The following SH2D3C variants were observed in gnomAD, a reference collection of about 807,000 sequenced individuals.
SH2D3C encodes SH2 domain containing 3C.
A neutral mutation model predicts 75.2 loss-of-function variants in SH2D3C; 25 were observed. The observed-to-expected ratio is 0.33, with a 90% CI of 0.24 to 0.46. The LOEUF is 0.46. Among genes scored for constraint, SH2D3C ranks in the 20% least tolerant of loss-of-function variants. The pLI is 1.00. For synonymous variants in SH2D3C, 450 were observed against 473.7 expected (o/e 0.95, Z 0.65); for missense variants, 933 against 1,165.3 (o/e 0.80, Z 2.90).
At chr9:127,765,094 C>T (rs1193120258) in intron 2 of SH2D3C, among the ~76,000 whole-genome samples, 3 of 152,120 alleles carry the variant, frequency 2.0e-5, no homozygotes, top group Admixed American at 6.5e-5. Context: ...ACCATAGCCT[C>T]GACCTCCTGG....
In SH2D3C at chr9:127,741,945, G is replaced by C; in HGVS notation, c.1931C>G (p.Ser644Cys). The change falls in exon 9 of 12, where the codon TCC (serine) becomes TGC (cysteine). Residue 644 changes from serine to cysteine, a missense_variant. Coordinates refer to ENST00000314830, the MANE Select transcript of SH2D3C (RefSeq NM_170600.3). ...CAGGATGTCCACGGCCAGCATGATG[G>C]ACATGGTGTGGAACCTGTCAGAGCG... is the stretch of plus-strand genomic sequence containing the variant. ...LDLLERFHTMSIMLAVDILGC... is the reference protein window; with the variant it reads ...LDLLERFHTMCIMLAVDILGC... The C allele has an allele frequency of 1.2e-5, 19 of 1,612,344 alleles. No individual in the cohort carries two copies. Among genetic ancestry groups the C allele is most frequent in the Non-Finnish European group, 1.6e-5 (19 of 1,179,790 alleles).
At chr9:127,764,565 G>T (rs897571191) in intron 2 of SH2D3C, among the ~76,000 whole-genome samples, 1 of 152,036 alleles carries the variant, frequency 6.6e-6, no homozygotes, top group African/African-American at 2.4e-5. Context: ...CTGACCCCAT[G>T]GCCCACCACA....
rs1015714141 is a variant in SH2D3C at position 127,751,626 on chromosome 9, A to G, written c.556-326T>C. Among the ~76,000 whole-genome samples, 7 of 152,258 alleles carry G rather than the reference A, an allele frequency of 4.6e-5. No individual in the cohort carries two copies. Among genetic ancestry groups the G allele is most frequent in the African/African-American group, 1.7e-4 (7 of 41,474 alleles). Reference sequence around the variant, plus strand: ...AGCCTCTGAGTAGAGTGCGGTCAGCACCACAGCGCTGGACAGCGGCAAAGA... The same window carrying G: ...AGCCTCTGAGTAGAGTGCGGTCAGCGCCACAGCGCTGGACAGCGGCAAAGA... On this transcript the variant is annotated intron_variant, in intron 3 of 11. Coordinates refer to ENST00000314830, the MANE Select transcript of SH2D3C (RefSeq NM_170600.3). This position sits in a 1 kb window ranked among gnomAD's most constrained non-coding sequence, Gnocchi z 4.1.
rs188648241 is a variant in SH2D3C at position 127,774,551 on chromosome 9, C to T, written c.38-84G>A. 14 of 765,696 alleles carry T rather than the reference C, an allele frequency of 1.8e-5. No individual in the cohort carries two copies. Among genetic ancestry groups the T allele is most frequent in the African/African-American group, 1.0e-4 (6 of 58,546 alleles). The allele number at this position is 765,696 out of a possible 1,614,324, so 47.4% of individuals were successfully genotyped here. ...AATGAACAATTCCTGCAGTTTCACT[C>T]GGTGAGGGGCTGAAGAGGGCTGGCG... On this transcript the variant is annotated intron_variant, in intron 1 of 11. Coordinates refer to ENST00000314830, the MANE Select transcript of SH2D3C (RefSeq NM_170600.3). The surrounding 1 kb of genome is among the most constrained non-coding windows in gnomAD (Gnocchi z 4.3).
chr9:127,752,025 G>A (rs2131762633), intron 3 of SH2D3C, among the ~76,000 whole-genome samples: 1 of 152,130 alleles, frequency 6.6e-6, no homozygotes, highest in East Asian at 1.9e-4. Context: ...ACCCAGATGG[G>A]GAGACCATGG....
chr9:127,769,502 C>CAA (rs60066412), intron 2 of SH2D3C, among the ~76,000 whole-genome samples: 4,186 of 151,356 alleles, frequency 0.028, 174 homozygotes, highest in African/African-American at 0.09. Flanking sequence ...CACACACACA[C>CAA]AAAATTAGCC....
intron 2 of SH2D3C, among the ~76,000 whole-genome samples, chr9:127,771,705 C>A (rs1845742966): frequency 6.6e-6 from 1 of 152,080 alleles, no homozygotes; most frequent in Non-Finnish European, 1.5e-5. Context: ...CAGTCTCATA[C>A]CTTGGGGTGT....
intron 3 of SH2D3C, among the ~76,000 whole-genome samples, chr9:127,758,211 T>C (rs1165129516): frequency 6.6e-6 from 1 of 152,012 alleles, no homozygotes; most frequent in Non-Finnish European, 1.5e-5. Flanking sequence ...TGGCCTTAAA[T>C]GACCCTCCTA....
intron 2 of SH2D3C, chr9:127,762,198 G>T: frequency 8.4e-7 from 1 of 1,191,388 alleles, no homozygotes; most frequent in Non-Finnish European, 1.1e-6. Context: ...GCCGGTGCTA[G>T]AGGGCTACAG....
At chr9:127,763,682 T>C (rs571115935) in intron 2 of SH2D3C, among the ~76,000 whole-genome samples, 113 of 152,274 alleles carry the variant, frequency 7.4e-4, no homozygotes, top group African/African-American at 2.7e-3. Context: ...AGTCAAATAT[T>C]GGACCTCCTC....
At chr9:127,773,937 AG>A in intron 2 of SH2D3C, 52 bp downstream of exon 2, 1 of 1,084,710 alleles carries the variant, frequency 9.2e-7, no homozygotes. Flanking sequence ...AAAAAGAAAA[AG>A]AAAAAAACAG....
Position 127,772,131 on chromosome 9 carries a change from G to A in SH2D3C, c.515+1859C>T, listed in dbSNP as rs540891870. ...AGGCAATTACAGCTCAGAGACAGAG[G>A]CTGTGCTTGGTGTCTCAGGAAAAAG... is the stretch of plus-strand genomic sequence containing the variant. On this transcript the variant is annotated intron_variant, in intron 2 of 11. Transcript: ENST00000314830. Among the ~76,000 whole-genome samples, 8 of 152,122 alleles carry A rather than the reference G, an allele frequency of 5.3e-5. No homozygotes were observed. The South Asian group carries it at 1.7e-3, about 32-fold the overall frequency.
chr9:127,750,669 TC>T (rs1845176006), intron 4 of SH2D3C, among the ~76,000 whole-genome samples: 1 of 152,178 alleles, frequency 6.6e-6, no homozygotes, highest in South Asian at 2.1e-4. Context: ...TTAGCACAGG[TC>T]CTGGCAGAGT....
rs146235803 is a variant in SH2D3C at position 127,751,633 on chromosome 9, C to T, written c.556-333G>A. Among the ~76,000 whole-genome samples, 3,621 of 152,330 alleles carry T rather than the reference C, an allele frequency of 0.024. 65 individuals are homozygous for T. Among genetic ancestry groups the T allele is most frequent in the Non-Finnish European group, 0.035 (2,387 of 68,036 alleles). ...GAGTAGAGTGCGGTCAGCACCACAG[C>T]GCTGGACAGCGGCAAAGAGCCGGGT... On this transcript the variant is annotated intron_variant, in intron 3 of 11. Transcript: ENST00000314830. The surrounding 1 kb of genome is among the most constrained non-coding windows in gnomAD (Gnocchi z 4.1).
At position 127,744,827 on chromosome 9, in the gene SH2D3C, T is replaced by A. The variant is rs1338124046; in HGVS notation, c.1537A>T (p.Thr513Ser). The part of the protein sequence containing the change: ...RGSREWAATE[T>S]SSQQARSYGE... ...TAGCTCCTGGCCTGCTGGCTGGAGGTCTCAGTCGCTGCCCACTCTCGGCTG... is the reference window on the plus strand; with the variant it reads ...TAGCTCCTGGCCTGCTGGCTGGAGGACTCAGTCGCTGCCCACTCTCGGCTG... The change falls in exon 7 of 12, where the codon ACC becomes TCC. Residue 513 changes from threonine (T) to serine (S), a missense_variant. Physicochemically the swap from Thr to Ser is moderately conservative, Grantham distance 58. Transcript: ENST00000314830. 2.5e-5 allele frequency: 40 copies of A among 1,613,858 alleles called. No homozygotes were observed. Among genetic ancestry groups the A allele is most frequent in the Non-Finnish European group, 3.2e-5 (38 of 1,180,004 alleles).
At chr9:127,756,840 T>C (rs1845395178) in intron 3 of SH2D3C, among the ~76,000 whole-genome samples, 1 of 151,730 alleles carries the variant, frequency 6.6e-6, no homozygotes, top group Non-Finnish European at 1.5e-5. Flanking sequence ...GAGACAGGGT[T>C]TCACCGTGGT....
At chr9:127,743,622 A>G (rs1564410718) in intron 7 of SH2D3C, among the ~76,000 whole-genome samples, 1 of 152,260 alleles carries the variant, frequency 6.6e-6, no homozygotes, top group Admixed American at 6.5e-5. Context: ...AAGGTCACAC[A>G]CTGGGCCTAG....
intron 2 of SH2D3C, chr9:127,771,210 C>T (rs1228118495): frequency 6.5e-7 from 1 of 1,547,076 alleles, no homozygotes; most frequent in South Asian, 1.2e-5. Flanking sequence ...CGCGGGGCAC[C>T]TTCGGCCCAC....
chr9:127,752,641 GC>G (rs1175750684), intron 3 of SH2D3C, among the ~76,000 whole-genome samples: 9 of 152,100 alleles, frequency 5.9e-5, no homozygotes, highest in Non-Finnish European at 1.2e-4. Flanking sequence ...CTCCCATACT[GC>G]CTGGGTTTAG....
Sources: allele counts gnomAD v4.1 joint callset (sites outside exome capture counted in the v4.1 genomes callset), GRCh38; gene constraint gnomAD v4.1.1; non-coding constraint Gnocchi (gnomAD v3.1); transcripts MANE v1.5; gene names NCBI Gene and HGNC (gene_info 2026-07-23, HGNC 2026-07-21).